The following ATG7 variants were observed in gnomAD, a reference collection of about 807,000 sequenced individuals.
ATG7 encodes ubiquitin-like modifier-activating enzyme ATG7.
Under a neutral mutation model 82.4 loss-of-function variants are expected in ATG7, and 70 were observed. The ratio of observed to expected loss-of-function variants is 0.85; its 90% confidence interval spans 0.70 to 1.04. The LOEUF is 1.04. ATG7 is among the 50% of genes least tolerant of loss of function. ATG7 has a pLI of 0.00. For synonymous variants in ATG7, 287 were observed against 313.0 expected (o/e 0.92, Z 0.88); for missense variants, 792 against 864.3 (o/e 0.92, Z 1.05).
chr3:11,570,725 G>A, the ATG7 span, among the ~76,000 whole-genome samples: 61 of 152,232 alleles, frequency 4.0e-4, no homozygotes, highest in Middle Eastern at 3.4e-3. Context: ...TTAAATGTTG[G>A]GCATAAACAG....
chr3:11,545,760 G>A (rs2071226202), intron 20 of ATG7, among the ~76,000 whole-genome samples: 1 of 152,100 alleles, frequency 6.6e-6, no homozygotes, highest in Admixed American at 6.5e-5. Context: ...TCTTCTGGAT[G>A]TCCCCTCTCC....
chr3:11,570,327 C>T, the ATG7 span, among the ~76,000 whole-genome samples: 3 of 152,150 alleles, frequency 2.0e-5, no homozygotes, highest in African/African-American at 4.8e-5. Context: ...CACCTTCCTG[C>T]CCCAACTGCA....
At chr3:11,512,965 A>G (rs895771714) in intron 20 of ATG7, among the ~76,000 whole-genome samples, 4 of 152,138 alleles carry the variant, frequency 2.6e-5, no homozygotes, top group African/African-American at 9.7e-5. Context: ...CTAGATACAG[A>G]GTGTGGACAC....
chr3:11,426,734 G>A (rs1412709718), intron 19 of ATG7, 70 bp from the exon 20 acceptor site: 1 of 1,361,442 alleles, frequency 7.3e-7, no homozygotes, highest in Non-Finnish European at 9.8e-7. Context: ...GAGCTTGTTA[G>A]AAGTGAAAGT....
intron 20 of ATG7, among the ~76,000 whole-genome samples, chr3:11,552,183 T>G (rs772450444): frequency 6.6e-6 from 1 of 152,248 alleles, no homozygotes; most frequent in Admixed American, 6.5e-5. Context: ...GCACTTATTT[T>G]ATTGGGGTTT....
At chr3:11,495,079 G>GA (rs368633027) in intron 20 of ATG7, among the ~76,000 whole-genome samples, 1,742 of 146,482 alleles carry the variant, frequency 0.012, 31 homozygotes, top group African/African-American at 0.04. Flanking sequence ...CTCCGTCTCA[G>GA]AAAAAAAAAA....
At chr3:11,554,679 G>A in intron 20 of ATG7, 132 bp from the exon 21 acceptor site, 1 of 1,107,180 alleles carries the variant, frequency 9.0e-7, no homozygotes, top group Non-Finnish European at 1.3e-6. Context: ...GAAATGGGGT[G>A]ACAGTCCCTC....
chr3:11,456,057 T>C (rs557734310), intron 20 of ATG7, among the ~76,000 whole-genome samples: 1 of 152,316 alleles, frequency 6.6e-6, no homozygotes, highest in African/African-American at 2.4e-5. Flanking sequence ...TATTCAGAGT[T>C]GTGTAACCGT....
chr3:11,407,031 A>G (rs2080409944), intron 19 of ATG7, among the ~76,000 whole-genome samples: 1 of 152,346 alleles, frequency 6.6e-6, no homozygotes. Flanking sequence ...GCATTAACGC[A>G]GTAGTCCAAA....
the ATG7 span, among the ~76,000 whole-genome samples, chr3:11,563,600 C>T: frequency 2.6e-5 from 4 of 152,266 alleles, no homozygotes; most frequent in African/African-American, 7.2e-5. Context: ...GGTGAGCGCT[C>T]GTAAAACGTT....
chr3:11,297,578 A>G (rs1946149065), intron 3 of ATG7, among the ~76,000 whole-genome samples: 1 of 152,214 alleles, frequency 6.6e-6, no homozygotes, highest in African/African-American at 2.4e-5. Context: ...CATGATTGCC[A>G]GGAAGGTCAA....
chr3:11,458,356 T>C (rs767376973), intron 20 of ATG7, among the ~76,000 whole-genome samples: 1 of 152,112 alleles, frequency 6.6e-6, no homozygotes, highest in African/African-American at 2.4e-5. Flanking sequence ...CTCCGCCTCC[T>C]GGGTTCACGC....
chr3:11,329,769 G>A (rs536936038), intron 9 of ATG7, among the ~76,000 whole-genome samples: 1 of 152,118 alleles, frequency 6.6e-6, no homozygotes, highest in South Asian at 2.1e-4. Flanking sequence ...ATATCACCAC[G>A]GTTCATTTGT....
chr3:11,574,812 T>C, the ATG7 span, among the ~76,000 whole-genome samples: 2 of 150,680 alleles, frequency 1.3e-5, no homozygotes, highest in African/African-American at 4.9e-5. Context: ...TGTGTGTGTG[T>C]GTGTGTGTGT....
At chr3:11,331,266 G>A (rs1469296506) in intron 9 of ATG7, 74 bp from the exon 10 acceptor site, 2 of 1,189,428 alleles carry the variant, frequency 1.7e-6, no homozygotes, top group Non-Finnish European at 2.5e-6. Flanking sequence ...AAGCAAAGAG[G>A]AAGTATGAGC....
chr3:11,421,260 T>C (rs1448402024), intron 19 of ATG7, among the ~76,000 whole-genome samples: 1 of 152,176 alleles, frequency 6.6e-6, no homozygotes, highest in Admixed American at 6.5e-5. Context: ...TCAGAAGATA[T>C]TCCTCTGTAG....
chr3:11,394,527 C>T (rs182768574), intron 19 of ATG7, among the ~76,000 whole-genome samples: 13 of 152,262 alleles, frequency 8.5e-5, no homozygotes, highest in Admixed American at 4.6e-4. Flanking sequence ...AAGTTGAGAG[C>T]GTGAGCCACA....
At chr3:11,454,251 A>G (rs1015325620) in intron 20 of ATG7, among the ~76,000 whole-genome samples, 2 of 152,122 alleles carry the variant, frequency 1.3e-5, no homozygotes, top group African/African-American at 4.8e-5. Context: ...TTTCTGGTGG[A>G]GTTGACTCCG....
At chr3:11,384,455 G>A (rs1198767816) in intron 19 of ATG7, among the ~76,000 whole-genome samples, 1 of 152,114 alleles carries the variant, frequency 6.6e-6, no homozygotes, top group Non-Finnish European at 1.5e-5. Flanking sequence ...GATGGGTTAT[G>A]ATTAAACTCC....
Sources: gnomAD v4.1 joint callset for allele counts (sites outside exome capture counted in the v4.1 genomes callset) on GRCh38, gnomAD v4.1.1 for gene constraint, MANE v1.5 for transcripts, NCBI Gene and HGNC (gene_info 2026-07-23, HGNC 2026-07-21) for gene names.